Variants in DUSP22 observed in about 807,000 individuals in gnomAD.
DUSP22 encodes the protein dual specificity protein phosphatase 22.
A neutral mutation model predicts 24.5 loss-of-function variants in DUSP22; 24 were observed. That is an observed-to-expected ratio of 0.98 (90% CI 0.71 to 1.38). DUSP22 has a LOEUF of 1.38. DUSP22 is among the 40% of genes most tolerant of loss of function. DUSP22 has a pLI of 0.00. For missense variants in DUSP22, 330 were observed against 269.2 expected (o/e 1.23, Z -1.58); for synonymous variants, 160 against 106.4 (o/e 1.50, Z -3.10).
chr6:324,317 C>T (rs1758747116), intron 3 of DUSP22, among the ~76,000 whole-genome samples: 1 of 152,304 alleles, frequency 6.6e-6, no homozygotes, highest in Admixed American at 6.5e-5. Flanking sequence ...GGAGTGCCGC[C>T]CTTCCTGGGG....
intron 2 of DUSP22, among the ~76,000 whole-genome samples, 165 bp from the exon 3 acceptor site, chr6:311,715 T>C (rs921720970): frequency 1.3e-5 from 2 of 151,686 alleles, no homozygotes; most frequent in Non-Finnish European, 2.9e-5. Flanking sequence ...AGGCAAAATA[T>C]ATGAAAGCAG....
At chr6:348,740 C>T (rs375432522) in intron 6 of DUSP22, 29 bp from the exon 7 acceptor site, 295 of 1,613,680 alleles carry the variant, frequency 1.8e-4, no homozygotes, top group Non-Finnish European at 2.1e-4. Context: ...ATGTGTGTGA[C>T]GTTTCGGGTT....
At chr6:343,140 T>A (rs959226104) in intron 4 of DUSP22, among the ~76,000 whole-genome samples, 13 of 152,300 alleles carry the variant, frequency 8.5e-5, no homozygotes, top group Admixed American at 1.3e-4. Context: ...CAGGAATCCT[T>A]TCTTGCCTGC....
At chr6:332,318 G>A (rs1759175703) in intron 3 of DUSP22, among the ~76,000 whole-genome samples, 1 of 152,308 alleles carries the variant, frequency 6.6e-6, no homozygotes, top group Non-Finnish European at 1.5e-5. Context: ...CAGATGGGAG[G>A]CTGCAGCTCC....
At chr6:317,621 C>T (rs564637461) in intron 3 of DUSP22, among the ~76,000 whole-genome samples, 2 of 152,422 alleles carry the variant, frequency 1.3e-5, no homozygotes, top group Admixed American at 6.5e-5. Context: ...TGCACTGTCC[C>T]TGCTTCTGTA....
At chr6:344,499 CG>C (rs1429642998) in intron 4 of DUSP22, among the ~76,000 whole-genome samples, 3 of 152,418 alleles carry the variant, frequency 2.0e-5, no homozygotes, top group African/African-American at 7.2e-5. Context: ...CATTTTGCCC[CG>C]GCTGGTCTCA....
rs536648499 is a variant in DUSP22, at chr6:325,384, A to G, written c.139-9730A>G. 1.7e-4 allele frequency: 30 copies of G among 181,156 alleles called. No individual in the cohort carries two copies. In the Middle Eastern group the frequency reaches 7.7e-3, roughly 47 times the overall value. 11.2% of individuals were successfully genotyped at this position (181,156 alleles called of 1,614,324 possible). On this transcript the variant is annotated intron_variant, in intron 3 of 6. Coordinates refer to ENST00000419235, the MANE Select transcript of DUSP22 (RefSeq NM_001286555.3). ...GCTGTATCTGCTGGTGCCTGGAGTCATCTGCCCTGGGCTTCTGCGTCCTGG... is the reference window on the plus strand; with the variant it reads ...GCTGTATCTGCTGGTGCCTGGAGTCGTCTGCCCTGGGCTTCTGCGTCCTGG...
Position 350,438 on chromosome 6 carries a change from C to T in DUSP22, c.*1487C>T. ...CCTCTCCCTAAAAAGATGTTGCAAC[C>T]CAGTTTCTCTGAATTCCACCACAAA... On this transcript the variant is annotated 3_prime_UTR_variant, in exon 7 of 7. Coordinates refer to ENST00000419235, the MANE Select transcript of DUSP22 (RefSeq NM_001286555.3). The T allele has an allele frequency of 8.9e-7, 1 of 1,125,158 alleles. No individual in the cohort carries two copies. The allele number at this position is 1,125,158 out of a possible 1,614,324, so 69.7% of individuals were successfully genotyped here.
chr6:296,298 A>T (rs1477789897), intron 1 of DUSP22, among the ~76,000 whole-genome samples: 1 of 152,296 alleles, frequency 6.6e-6, no homozygotes, highest in Non-Finnish European at 1.5e-5. Flanking sequence ...TTTACCACAT[A>T]GAGTAAGCCA....
At position 315,541 on chromosome 6, in the gene DUSP22, C is replaced by T. The variant is rs567436908; in HGVS notation, c.138+3579C>T. ...ATGTTTCTGATATCCTTAGTGGTATCGGTAGATCTTACCAGATCACCTTTG... is the reference window on the plus strand; with the variant it reads ...ATGTTTCTGATATCCTTAGTGGTATTGGTAGATCTTACCAGATCACCTTTG... On this transcript the variant is annotated intron_variant, in intron 3 of 6. Transcript: ENST00000419235. 7.4e-4 allele frequency among the ~76,000 whole-genome samples: 112 copies of T among 152,380 alleles called. No individual in the cohort carries two copies. In the East Asian group the frequency reaches 0.013, roughly 17 times the overall value.
intron 1 of DUSP22, among the ~76,000 whole-genome samples, chr6:303,303 C>T (rs1399884561): frequency 6.6e-6 from 1 of 152,308 alleles, no homozygotes; most frequent in African/African-American, 2.4e-5. Context: ...TTAGCAAAGC[C>T]TCTTTTCATT....
chr6:348,765 C>T lies in DUSP22; in HGVS notation c.436-4C>T, dbSNP rs1760010340. On this transcript the variant is annotated splice_polypyrimidine_tract_variant and splice_region_variant and intron_variant, in intron 6 of 6. Coordinates refer to ENST00000419235, the MANE Select transcript of DUSP22 (RefSeq NM_001286555.3). ...CGTTTCGGGTTTGTTTCCATCCTCT[C>T]CAGTATCGGCAGTGGCTGAAGGAAG... The T allele has an allele frequency of 6.2e-7, 1 of 1,614,284 alleles. No individual in the cohort carries two copies. Among genetic ancestry groups the T allele is most frequent in the East Asian group, 2.2e-5 (1 of 44,894 alleles).
Position 350,351 on chromosome 6 carries a change from C to A in DUSP22, c.*1400C>A. On this transcript the variant is annotated 3_prime_UTR_variant, in exon 7 of 7. Transcript: ENST00000419235. ...GCTGTACGCAATTCAGTGGTCTAGT[C>A]CTTTATACCGACTCAGATTCCTTAA... is the stretch of plus-strand genomic sequence containing the variant. 4 of 1,058,488 alleles carry A rather than the reference C, an allele frequency of 3.8e-6. No individual in the cohort carries two copies. Among genetic ancestry groups the A allele is most frequent in the Non-Finnish European group, 4.6e-6 (4 of 874,958 alleles). The allele number at this position is 1,058,488 out of a possible 1,614,324, so 65.6% of individuals were successfully genotyped here.
Position 349,410 on chromosome 6 carries a change from C to A in DUSP22, c.*459C>A. On this transcript the variant is annotated 3_prime_UTR_variant, in exon 7 of 7. Transcript: ENST00000419235. ...TTGCTGCCCGGGTTGGTGTGGCCACCTTTCCCTTTGTCCAAGACTCCACAT... is the reference window on the plus strand; with the variant it reads ...TTGCTGCCCGGGTTGGTGTGGCCACATTTCCCTTTGTCCAAGACTCCACAT... 9.8e-7 allele frequency: 1 copy of A among 1,019,366 alleles called. No individual in the cohort carries two copies. Among genetic ancestry groups the A allele is most frequent in the Non-Finnish European group, 1.2e-6 (1 of 850,870 alleles). The allele number at this position is 1,019,366 out of a possible 1,614,324, so 63.1% of individuals were successfully genotyped here. A position where few individuals can be genotyped will look rare whatever the true frequency, so the allele number is the denominator to read the frequency against.
chr6:329,524 C>T (rs1424726140), intron 3 of DUSP22, among the ~76,000 whole-genome samples: 1 of 152,256 alleles, frequency 6.6e-6, no homozygotes, highest in Admixed American at 6.5e-5. Context: ...GTGATCTCGG[C>T]TCACTGCAAC....
chr6:314,252 C>A lies in DUSP22; in HGVS notation c.138+2290C>A, dbSNP rs901190522. Among the ~76,000 whole-genome samples the A allele has an allele frequency of 3.3e-5, 5 of 152,404 alleles. No homozygotes were observed. The South Asian group carries it at 1.0e-3, about 32-fold the overall frequency. Reference sequence around the variant, plus strand: ...AGAGAGCTGGGCCTCATTTATTTCCCGAGATCTTCAAAACCATACGTATTT... The same window carrying A: ...AGAGAGCTGGGCCTCATTTATTTCCAGAGATCTTCAAAACCATACGTATTT... On this transcript the variant is annotated intron_variant, in intron 3 of 6. Coordinates refer to ENST00000419235, the MANE Select transcript of DUSP22 (RefSeq NM_001286555.3).
chr6:314,452 G>T (rs1758254043), intron 3 of DUSP22, among the ~76,000 whole-genome samples: 1 of 152,312 alleles, frequency 6.6e-6, no homozygotes, highest in Non-Finnish European at 1.5e-5. Context: ...ATACTTCTTT[G>T]GGTCATTTCC....
At chr6:346,550 A>C (rs1230178604) in intron 5 of DUSP22, among the ~76,000 whole-genome samples, 1 of 152,298 alleles carries the variant, frequency 6.6e-6, no homozygotes, top group African/African-American at 2.4e-5. Context: ...GTTCTTAGTG[A>C]AAGTGGGATG....
chr6:336,459 T>C (rs529648495), intron 4 of DUSP22, among the ~76,000 whole-genome samples: 7 of 152,414 alleles, frequency 4.6e-5, no homozygotes, highest in South Asian at 4.1e-4. Flanking sequence ...CTGGGAGTTA[T>C]TGAACGCTGG....
Sources: allele counts gnomAD v4.1 joint callset (sites outside exome capture counted in the v4.1 genomes callset), GRCh38; gene constraint gnomAD v4.1.1; transcripts MANE v1.5; gene names NCBI Gene and HGNC (gene_info 2026-07-23, HGNC 2026-07-21).